The following PPP2R2B variants were observed in gnomAD, a reference collection of about 807,000 sequenced individuals.
PPP2R2B encodes the protein protein phosphatase 2 regulatory subunit Bbeta, also known as serine/threonine-protein phosphatase 2A 55 kDa regulatory subunit B beta isoform.
In PPP2R2B, 5 loss-of-function variants were observed where a neutral mutation model predicts 46.0. The ratio of observed to expected loss-of-function variants is 0.11; its 90% CI spans 0.06 to 0.23. The LOEUF (loss-of-function observed/expected upper bound fraction) is 0.23, where lower values mean the gene tolerates loss of function less well. PPP2R2B is among the 10% of genes least tolerant of loss of function. The probability of loss-of-function intolerance (pLI) is 1.00; values close to 1 mark genes in which losing one functional copy is unlikely to be tolerated. For missense variants in PPP2R2B, 367 were observed against 575.0 expected (o/e 0.64, Z 3.70); for synonymous variants, 215 against 206.7 (o/e 1.04, Z -0.34).
At chr5:146,976,240 C>G (rs1752899855) in intron 1 of PPP2R2B, among the ~76,000 whole-genome samples, 1 of 151,858 alleles carries the variant, frequency 6.6e-6, no homozygotes, top group South Asian at 2.1e-4. Flanking sequence ...CGGGTTCAAG[C>G]TATTCTCCTG....
At chr5:146,834,357 A>G (rs552113908) in intron 2 of PPP2R2B, among the ~76,000 whole-genome samples, 2 of 152,346 alleles carry the variant, frequency 1.3e-5, no homozygotes, top group Admixed American at 1.3e-4. Context: ...CAGAACTGGA[A>G]TTTAGAATTG....
chr5:146,976,771 A>G (rs752874910), intron 1 of PPP2R2B, among the ~76,000 whole-genome samples: 14 of 152,084 alleles, frequency 9.2e-5, no homozygotes, highest in Non-Finnish European at 1.5e-4. Flanking sequence ...CCCCCTCACT[A>G]TTATTCTTAT....
intron 2 of PPP2R2B, among the ~76,000 whole-genome samples, chr5:146,759,740 C>A (rs185491070): frequency 1.3e-4 from 19 of 151,500 alleles, no homozygotes; most frequent in African/African-American, 4.4e-4. Context: ...GTCTGACTGG[C>A]AAATCCATTT....
At chr5:147,046,474 T>C (rs1040934992) in intron 1 of PPP2R2B, among the ~76,000 whole-genome samples, 1 of 152,320 alleles carries the variant, frequency 6.6e-6, no homozygotes, top group South Asian at 2.1e-4. Flanking sequence ...AGAAAACTAA[T>C]GAGCCAGTCC....
intron 1 of PPP2R2B, among the ~76,000 whole-genome samples, chr5:147,042,356 C>T (rs898534459): frequency 1.3e-5 from 2 of 152,036 alleles, no homozygotes; most frequent in East Asian, 1.9e-4. Flanking sequence ...CCAAGTGTGG[C>T]GTTTTCTATA....
At chr5:146,877,910 C>A in intron 2 of PPP2R2B, 92 bp downstream of exon 2, 1 of 1,452,404 alleles carries the variant, frequency 6.9e-7, no homozygotes, top group Non-Finnish European at 9.4e-7. Flanking sequence ...CCGGAGGAGT[C>A]TCCGCCACTA....
intron 5 of PPP2R2B, among the ~76,000 whole-genome samples, chr5:146,672,966 T>C (rs1423114847): frequency 6.6e-6 from 1 of 152,226 alleles, no homozygotes; most frequent in Non-Finnish European, 1.5e-5. Context: ...TTTTTATTTT[T>C]TAAGGTTGCA....
In PPP2R2B at chr5:146,589,902, G is replaced by A; in HGVS notation, c.*45C>T. ...CAAAGAAACATTTAAAAACTTGTTT[G>A]ACTAGTATTCAGTATGTGAGATTAT... is the stretch of plus-strand genomic sequence containing the variant. On this transcript the variant is annotated 3_prime_UTR_variant, in exon 10 of 10. Coordinates refer to ENST00000394411, the MANE Select transcript of PPP2R2B (RefSeq NM_181675.4). 1 of 1,562,688 alleles carries A rather than the reference G, an allele frequency of 6.4e-7. No homozygotes were observed. Among genetic ancestry groups the A allele is most frequent in the Non-Finnish European group, 8.8e-7 (1 of 1,140,472 alleles).
intron 5 of PPP2R2B, among the ~76,000 whole-genome samples, chr5:146,655,747 G>A (rs568977966): frequency 6.6e-6 from 1 of 152,132 alleles, no homozygotes; most frequent in African/African-American, 2.4e-5. Flanking sequence ...ATCTTTCAGC[G>A]AGGGCGATCA....
intron 2 of PPP2R2B, among the ~76,000 whole-genome samples, chr5:147,073,862 C>T (rs1471118052): frequency 6.6e-6 from 1 of 151,840 alleles, no homozygotes; most frequent in Non-Finnish European, 1.5e-5. Flanking sequence ...ATGGTGAAAC[C>T]CCATCTTTAC....
chr5:147,008,727 A>G (rs1754569812), intron 1 of PPP2R2B, among the ~76,000 whole-genome samples: 1 of 152,186 alleles, frequency 6.6e-6, no homozygotes, highest in African/African-American at 2.4e-5. Context: ...CATTTAAGGC[A>G]CACCTCAGAT....
intron 2 of PPP2R2B, among the ~76,000 whole-genome samples, chr5:146,817,801 T>C (rs1217690106): frequency 6.6e-6 from 1 of 152,258 alleles, no homozygotes; most frequent in Admixed American, 6.5e-5. Flanking sequence ...TTTCATTTCT[T>C]TGACCAACGG....
Position 146,811,727 on chromosome 5 carries a change from AT to A in PPP2R2B, c.70+66274del, listed in dbSNP as rs1163716544. On this transcript the variant is annotated intron_variant, in intron 2 of 9. Transcript: ENST00000394411. ...AGGCGCCCACCACCACGCCCGGCTA[AT>A]TTTTTTTTTTTTTTTTTTTCAGTAG... is the stretch of plus-strand genomic sequence containing the variant. 4.7e-3 allele frequency among the ~76,000 whole-genome samples: 567 copies of A among 121,242 alleles called. 5 individuals carry two copies. The highest frequency in any genetic ancestry group is 0.013 in the Middle Eastern group (3 of 224). The allele number at this position is 121,242 out of a possible 152,430, so 79.5% of individuals were successfully genotyped here.
chr5:147,010,906 C>T (rs924304956), intron 1 of PPP2R2B, among the ~76,000 whole-genome samples: 6 of 152,160 alleles, frequency 3.9e-5, no homozygotes, highest in African/African-American at 1.4e-4. Flanking sequence ...CACCATTGCT[C>T]TCATCCCTGC....
At chr5:146,734,182 A>G (rs1247045175) in intron 2 of PPP2R2B, among the ~76,000 whole-genome samples, 1 of 151,878 alleles carries the variant, frequency 6.6e-6, no homozygotes, top group Non-Finnish European at 1.5e-5. Context: ...TCGCCTCCCA[A>G]GTAGCTGGGA....
chr5:146,980,539 G>C (rs989498277), intron 1 of PPP2R2B, among the ~76,000 whole-genome samples: 2 of 152,166 alleles, frequency 1.3e-5, no homozygotes. Flanking sequence ...AGGAAGGAAG[G>C]CTCAAGGGAG....
At chr5:146,754,698 A>T (rs979307230) in intron 2 of PPP2R2B, among the ~76,000 whole-genome samples, 1 of 152,130 alleles carries the variant, frequency 6.6e-6, no homozygotes, top group Non-Finnish European at 1.5e-5. Context: ...TTACTCTCCC[A>T]TCACTCACTC....
chr5:146,886,500 G>T (rs1371369963), intron 1 of PPP2R2B, among the ~76,000 whole-genome samples: 1 of 152,068 alleles, frequency 6.6e-6, no homozygotes, highest in Non-Finnish European at 1.5e-5. Flanking sequence ...CAATACAGCT[G>T]TTATTAAAGA....
intron 2 of PPP2R2B, among the ~76,000 whole-genome samples, chr5:146,722,213 C>T (rs1414262202): frequency 6.6e-6 from 1 of 152,184 alleles, no homozygotes; most frequent in Non-Finnish European, 1.5e-5. Context: ...ATGTTAGGTA[C>T]TATCTTACAG....
Sources: gnomAD v4.1 joint callset for allele counts (sites outside exome capture counted in the v4.1 genomes callset) on GRCh38, gnomAD v4.1.1 for gene constraint, MANE v1.5 for transcripts, NCBI Gene and HGNC (gene_info 2026-07-23, HGNC 2026-07-21) for gene names.